The following TENM2 variants were observed in gnomAD, a reference collection of about 807,000 sequenced individuals.
TENM2 encodes teneurin-2.
Under a neutral mutation model 245.2 loss-of-function variants are expected in TENM2, and 52 were observed. The ratio of observed to expected loss-of-function variants is 0.21; its 90% CI spans 0.17 to 0.27. TENM2 has a LOEUF of 0.27. TENM2 is among the 10% of genes least tolerant of loss of function. The probability of loss-of-function intolerance (pLI) is 1.00; values close to 1 mark genes in which losing one functional copy is unlikely to be tolerated. For synonymous variants in TENM2, 1,363 were observed against 1,438.9 expected, an observed-to-expected ratio of 0.95 and a Z score of 1.19; for missense variants, 3,046 against 3,666.8, an observed-to-expected ratio of 0.83 and a Z score of 4.37.
intron 5 of TENM2, among the ~76,000 whole-genome samples, chr5:168,043,676 T>C (rs142213827): frequency 5.9e-4 from 90 of 152,348 alleles, no homozygotes; most frequent in African/African-American, 2.0e-3. Context: ...AAACTCTCAG[T>C]GGCTTATAAC....
intron 2 of TENM2, among the ~76,000 whole-genome samples, chr5:167,719,359 G>T (rs1037819111): frequency 6.6e-6 from 1 of 152,228 alleles, no homozygotes; most frequent in African/African-American, 2.4e-5. Context: ...AGAGAAGGCA[G>T]TTCTTTGGTG....
intron 1 of TENM2, among the ~76,000 whole-genome samples, chr5:167,322,628 T>A (rs924470661): frequency 6.6e-6 from 1 of 152,158 alleles, no homozygotes; most frequent in Non-Finnish European, 1.5e-5. Flanking sequence ...TCCCCATTCT[T>A]CCTTAAAGGT....
rs75854583 is a variant in TENM2 at position 167,784,306 on chromosome 5, G to T, written c.503-91680G>T. Among the ~76,000 whole-genome samples, 95 of 152,274 alleles carry T rather than the reference G, an allele frequency of 6.2e-4. 1 individual carries two copies. In the East Asian group the frequency reaches 0.018, roughly 28 times the overall value. ...GGGTTTTGTTGTTTTGGGGGGTAAAGAAATAAACAGAACAATGTGTGTGAA... is the reference window on the plus strand; with the variant it reads ...GGGTTTTGTTGTTTTGGGGGGTAAATAAATAAACAGAACAATGTGTGTGAA... On this transcript the variant is annotated intron_variant, in intron 2 of 28. Transcript: ENST00000518659.
intron 19 of TENM2, among the ~76,000 whole-genome samples, chr5:168,206,378 A>T (rs1762346320): frequency 6.6e-6 from 1 of 152,256 alleles, no homozygotes; most frequent in Non-Finnish European, 1.5e-5. Context: ...CGAGCCAGGC[A>T]TGTACTGGGC....
intron 13 of TENM2, among the ~76,000 whole-genome samples, chr5:168,182,474 A>G (rs1759998468): frequency 1.3e-5 from 2 of 152,178 alleles, no homozygotes; most frequent in African/African-American, 4.8e-5. Flanking sequence ...CATTCTATAG[A>G]TTGGAAAACT....
intron 2 of TENM2, among the ~76,000 whole-genome samples, chr5:167,864,268 A>G (rs1217858823): frequency 6.6e-6 from 1 of 152,230 alleles, no homozygotes; most frequent in East Asian, 1.9e-4. Context: ...AAAGCTTCCA[A>G]TAATGAGAAT....
chr5:167,896,413 G>C (rs1281855104), intron 3 of TENM2, among the ~76,000 whole-genome samples: 1 of 152,202 alleles, frequency 6.6e-6, no homozygotes, highest in Non-Finnish European at 1.5e-5. Flanking sequence ...TCTGCCTTCC[G>C]TGGATTATAC....
chr5:167,067,272 A>G, the TENM2 span, among the ~76,000 whole-genome samples: 2 of 152,198 alleles, frequency 1.3e-5, no homozygotes, highest in African/African-American at 2.4e-5. Context: ...ATTACATGGA[A>G]TACCATGTAA....
intron 2 of TENM2, among the ~76,000 whole-genome samples, chr5:167,502,438 T>C (rs1298725739): frequency 6.6e-6 from 1 of 152,200 alleles, no homozygotes; most frequent in Non-Finnish European, 1.5e-5. Flanking sequence ...TTACAGTTTT[T>C]CCAATCTGTT....
At chr5:168,015,663 T>C (rs1349143996) in intron 5 of TENM2, among the ~76,000 whole-genome samples, 1 of 152,224 alleles carries the variant, frequency 6.6e-6, no homozygotes, top group African/African-American at 2.4e-5. Context: ...GTCCACTTCA[T>C]GATTGCTTCT....
At chr5:167,947,689 T>G (rs1415333887) in intron 3 of TENM2, among the ~76,000 whole-genome samples, 15 of 152,182 alleles carry the variant, frequency 9.9e-5, no homozygotes, top group Admixed American at 9.8e-4. Context: ...TTAGAAACTT[T>G]AAATTGCTAT....
Position 167,775,271 on chromosome 5 carries a change from G to T in TENM2, c.503-100715G>T, listed in dbSNP as rs116602470. Among the ~76,000 whole-genome samples the T allele has an allele frequency of 3.4e-3, 516 of 152,224 alleles. 6 individuals carry two copies. The highest frequency in any genetic ancestry group is 0.012 in the African/African-American group (478 of 41,560). The stretch of plus-strand genomic sequence containing the variant: ...GCATGAGCCACTGTGCCTGGCCAGG[G>T]TGTGAGGTCTTACAAGACCACCTTG... On this transcript the variant is annotated intron_variant, in intron 2 of 28. Transcript: ENST00000518659.
At chr5:167,109,685 T>C in the TENM2 span, among the ~76,000 whole-genome samples, 4 of 152,076 alleles carry the variant, frequency 2.6e-5, no homozygotes, top group Admixed American at 6.5e-5. Flanking sequence ...TTTTCAGTGC[T>C]ATAAACCCTT....
the TENM2 span, among the ~76,000 whole-genome samples, chr5:167,223,712 G>A: frequency 1.3e-5 from 2 of 152,038 alleles, no homozygotes; most frequent in Non-Finnish European, 2.9e-5. Flanking sequence ...ATCCAGTAGT[G>A]GCATTGCTCG....
At chr5:168,226,780 C>G (rs1370693278) in intron 24 of TENM2, among the ~76,000 whole-genome samples, 1 of 152,182 alleles carries the variant, frequency 6.6e-6, no homozygotes, top group Non-Finnish European at 1.5e-5. Context: ...TCTGCCCACC[C>G]TGTGGTTATT....
At chr5:167,129,504 T>A in the TENM2 span, among the ~76,000 whole-genome samples, 2 of 152,144 alleles carry the variant, frequency 1.3e-5, no homozygotes, top group Non-Finnish European at 2.9e-5. Context: ...CCCTCCAAAT[T>A]GACCAACTTA....
At chr5:168,093,464 C>G (rs1446641728) in intron 8 of TENM2, among the ~76,000 whole-genome samples, 1 of 152,190 alleles carries the variant, frequency 6.6e-6, no homozygotes, top group East Asian at 1.9e-4. Flanking sequence ...CCACACATTC[C>G]TATCATCAGA....
chr5:167,619,531 C>T (rs1778020469), intron 2 of TENM2, among the ~76,000 whole-genome samples: 1 of 152,050 alleles, frequency 6.6e-6, no homozygotes, highest in Non-Finnish European at 1.5e-5. Context: ...TACTACTTAC[C>T]AGCTCTGTTC....
chr5:167,366,478 T>C (rs1161779815), intron 1 of TENM2, among the ~76,000 whole-genome samples: 2 of 152,174 alleles, frequency 1.3e-5, no homozygotes, highest in Non-Finnish European at 2.9e-5. Flanking sequence ...CGCTGCTTTG[T>C]GTCATTCAGT....
Sources: allele counts gnomAD v4.1 joint callset (sites outside exome capture counted in the v4.1 genomes callset), GRCh38; gene constraint gnomAD v4.1.1; transcripts MANE v1.5; gene names NCBI Gene and HGNC (gene_info 2026-07-23, HGNC 2026-07-21).